Variants in HDAC8 observed in about 807,000 individuals in gnomAD.
HDAC8 encodes histone deacetylase 8.
HDAC8 carries 1 observed loss-of-function variant against 32.2 expected under a neutral mutation model. That is an observed-to-expected ratio of 0.03 (90% CI 0.01 to 0.15). HDAC8 has a LOEUF of 0.15. Ranked by LOEUF, HDAC8 falls within the 10% of genes least tolerant of loss-of-function variation. HDAC8 has a pLI of 1.00. For missense variants in HDAC8, 117 were observed against 300.0 expected (o/e 0.39, Z 4.51); for synonymous variants, 108 against 113.9 (o/e 0.95, Z 0.33).
chrX:72,524,106 T>C (rs1451375863), intron 4 of HDAC8, among the ~76,000 whole-genome samples: 1 of 112,439 alleles, frequency 8.9e-6, no homozygotes, highest in Admixed American at 9.3e-5. Context: ...TGAATAGATA[T>C]GACAGAAACT....
intron 1 of HDAC8, chrX:72,572,419 C>T: frequency 2.4e-6 from 1 of 411,462 alleles, no homozygotes; most frequent in South Asian, 4.8e-5. Context: ...TCCTCCGTAC[C>T]CCCTCCCCCA....
intron 9 of HDAC8, among the ~76,000 whole-genome samples, chrX:72,392,704 TCTA>T (rs782696197): frequency 8.9e-6 from 1 of 112,238 alleles, no homozygotes; most frequent in South Asian, 3.7e-4. Flanking sequence ...TTTGAAAAAT[TCTA>T]CTATCTTTTC....
rs781915235 is a variant in HDAC8, at chrX:72,415,683, C to G, written c.1005+46321G>C. On this transcript the variant is annotated intron_variant, in intron 9 of 10. Coordinates refer to ENST00000373573, the MANE Select transcript of HDAC8 (RefSeq NM_018486.3). ...ACATAAATATTTCAGTTTTTAAAAT[C>G]CAATTGTGAATGGCTTTGTATTTTA... 3.6e-5 allele frequency among the ~76,000 whole-genome samples: 4 copies of G among 111,803 alleles called. No homozygotes were observed. In the South Asian group the frequency reaches 1.5e-3, roughly 42 times the overall value.
chrX:72,383,853 G>C (rs1052549344), intron 9 of HDAC8, among the ~76,000 whole-genome samples: 2 of 90,632 alleles, frequency 2.2e-5, no homozygotes, highest in African/African-American at 4.2e-5. Flanking sequence ...CTGGGTGACA[G>C]AGTGAGATGC....
chrX:72,333,141 A>G (rs868918781), intron 10 of HDAC8, among the ~76,000 whole-genome samples: 1 of 47,957 alleles, frequency 2.1e-5, no homozygotes, highest in African/African-American at 4.7e-5. Flanking sequence ...TCAACCCCCT[A>G]ACCTCAAAAA....
intron 10 of HDAC8, among the ~76,000 whole-genome samples, chrX:72,335,110 A>G (rs895562871): frequency 1.3e-4 from 15 of 112,069 alleles, no homozygotes; most frequent in Admixed American, 1.1e-3. Flanking sequence ...CCCTTCCCCT[A>G]CAGGCAGTTT....
At chrX:72,446,661 T>A (rs1476152561) in intron 9 of HDAC8, among the ~76,000 whole-genome samples, 1 of 110,058 alleles carries the variant, frequency 9.1e-6, no homozygotes, top group South Asian at 3.9e-4. Context: ...ATTGTGCACA[T>A]GTACCCTAAA....
chrX:72,496,453 G>A (rs2049022088), intron 4 of HDAC8, among the ~76,000 whole-genome samples: 1 of 110,779 alleles, frequency 9.0e-6, no homozygotes, highest in Non-Finnish European at 1.9e-5. Context: ...ATGCAACCAG[G>A]TAGAGACCAA....
intron 4 of HDAC8, among the ~76,000 whole-genome samples, chrX:72,515,787 C>T (rs1034389276): frequency 1.8e-5 from 2 of 111,618 alleles, no homozygotes; most frequent in African/African-American, 6.5e-5. Flanking sequence ...AATAGAGACC[C>T]AAAAGGTGAA....
intron 7 of HDAC8, among the ~76,000 whole-genome samples, chrX:72,481,065 TA>T (rs1242135895): frequency 1.7e-3 from 170 of 97,193 alleles, no homozygotes; most frequent in Admixed American, 1.6e-3. Context: ...GAACTTAAAG[TA>T]AAAAAAAAAA....
intron 4 of HDAC8, among the ~76,000 whole-genome samples, chrX:72,515,659 G>T (rs139399049): frequency 2.3e-3 from 256 of 109,981 alleles, no homozygotes; most frequent in African/African-American, 8.0e-3. Context: ...TAAGAAAACA[G>T]CCCTATTGTG....
chrX:72,561,565 T>C (rs1459496389), intron 4 of HDAC8, among the ~76,000 whole-genome samples: 1 of 112,361 alleles, frequency 8.9e-6, no homozygotes, highest in African/African-American at 3.2e-5. Flanking sequence ...ATCTAAGACC[T>C]GAAACTATAA....
At chrX:72,534,523 G>T (rs1343835392) in intron 4 of HDAC8, among the ~76,000 whole-genome samples, 1 of 109,976 alleles carries the variant, frequency 9.1e-6, no homozygotes. Context: ...TGGCCAGGCT[G>T]GTCTTGAATT....
At chrX:72,425,297 T>C (rs1425649954) in intron 9 of HDAC8, among the ~76,000 whole-genome samples, 1 of 110,701 alleles carries the variant, frequency 9.0e-6, no homozygotes, top group African/African-American at 3.4e-5. Context: ...AAGTTGACTT[T>C]TTTTTTGATT....
intron 4 of HDAC8, chrX:72,567,664 GA>G (rs1465631721): frequency 6.4e-5 from 70 of 1,092,975 alleles, no homozygotes; most frequent in Non-Finnish European, 8.8e-5. Context: ...AGCCAAGTTA[GA>G]AAAACTAGGT....
At chrX:72,563,364 A>G (rs781800372) in intron 4 of HDAC8, among the ~76,000 whole-genome samples, 79 of 110,807 alleles carry the variant, frequency 7.1e-4, no homozygotes, top group Middle Eastern at 4.6e-3. Flanking sequence ...CAGCCTGGAC[A>G]ACATGGCAAG....
intron 9 of HDAC8, among the ~76,000 whole-genome samples, chrX:72,451,292 G>T (rs2047565051): frequency 9.0e-6 from 1 of 110,515 alleles, no homozygotes; most frequent in Non-Finnish European, 1.9e-5. Flanking sequence ...TGCCTCCCAG[G>T]TTCAAGTGAT....
chrX:72,496,458 G>C (rs782727009), intron 4 of HDAC8, among the ~76,000 whole-genome samples: 4 of 110,833 alleles, frequency 3.6e-5, no homozygotes, highest in African/African-American at 9.8e-5. Flanking sequence ...ACCAGGTAGA[G>C]ACCAATTAAA....
chrX:72,341,605 A>C (rs1357810552), intron 10 of HDAC8, among the ~76,000 whole-genome samples: 1 of 111,743 alleles, frequency 8.9e-6, no homozygotes, highest in Non-Finnish European at 1.9e-5. Flanking sequence ...ACAGAACATC[A>C]CCACCTCCAA....
Sources: allele counts gnomAD v4.1 joint callset (sites outside exome capture counted in the v4.1 genomes callset), GRCh38; gene constraint gnomAD v4.1.1; transcripts MANE v1.5; gene names NCBI Gene and HGNC (gene_info 2026-07-23, HGNC 2026-07-21).